Variants in SDK1 observed in about 807,000 individuals in gnomAD.
The protein encoded by SDK1 is protein sidekick-1.
SDK1 carries 157 observed loss-of-function variants against 245.5 expected under a neutral mutation model. That is an observed-to-expected ratio of 0.64 (90% CI 0.56 to 0.73). The LOEUF (loss-of-function observed/expected upper bound fraction) is 0.73, where lower values mean the gene tolerates loss of function less well. Ranked by LOEUF, SDK1 falls within the 30% of genes least tolerant of loss-of-function variation. The pLI is 0.00. For synonymous variants in SDK1, 1,647 were observed against 1,278.5 expected (o/e 1.29, Z -6.15); for missense variants, 3,583 against 3,002.3 (o/e 1.19, Z -4.52).
At chr7:3,897,374 A>G (rs1781638476) in intron 5 of SDK1, among the ~76,000 whole-genome samples, 1 of 152,082 alleles carries the variant, frequency 6.6e-6, no homozygotes, top group Admixed American at 6.6e-5. Flanking sequence ...CCCCTTCCCC[A>G]GCCCCTGGCA....
At chr7:3,481,314 C>G (rs1257940045) in intron 1 of SDK1, among the ~76,000 whole-genome samples, 1 of 152,192 alleles carries the variant, frequency 6.6e-6, no homozygotes, top group African/African-American at 2.4e-5. Flanking sequence ...TGGACTTGAA[C>G]TCTGTTCATC....
intron 44 of SDK1, among the ~76,000 whole-genome samples, chr7:4,249,556 C>T (rs1295773826): frequency 6.6e-6 from 1 of 152,168 alleles, no homozygotes; most frequent in Non-Finnish European, 1.5e-5. Context: ...TTTGGGGGCC[C>T]AAGGCACCCC....
At chr7:3,477,528 T>G (rs1330867299) in intron 1 of SDK1, among the ~76,000 whole-genome samples, 1 of 151,104 alleles carries the variant, frequency 6.6e-6, no homozygotes, top group Non-Finnish European at 1.5e-5. Flanking sequence ...TTTTTTTTTT[T>G]TAAGAGATGG....
intron 35 of SDK1, among the ~76,000 whole-genome samples, chr7:4,202,409 G>C (rs946561227): frequency 6.6e-6 from 1 of 152,210 alleles, no homozygotes; most frequent in Non-Finnish European, 1.5e-5. Context: ...CAAGACTCTG[G>C]TTGGGGGAGC....
At chr7:3,972,143 TATCTC>T (rs1782537797) in intron 12 of SDK1, among the ~76,000 whole-genome samples, 2 of 150,748 alleles carry the variant, frequency 1.3e-5, no homozygotes, top group African/African-American at 2.4e-5. Context: ...ACAGTGGCAT[TATCTC>T]AGCTCACTGC....
chr7:3,374,316 C>A (rs1213544184), intron 1 of SDK1, among the ~76,000 whole-genome samples: 1 of 152,110 alleles, frequency 6.6e-6, no homozygotes, highest in Non-Finnish European at 1.5e-5. Context: ...TGACTTCTGC[C>A]CCCAAGCTGT....
intron 1 of SDK1, among the ~76,000 whole-genome samples, chr7:3,552,051 T>A (rs950252915): frequency 9.9e-5 from 15 of 152,100 alleles, no homozygotes; most frequent in Non-Finnish European, 2.1e-4. Context: ...TTCTTCTTTT[T>A]TTTTTGAGCC....
chr7:3,409,509 A>G (rs1047230639), intron 1 of SDK1, among the ~76,000 whole-genome samples: 2 of 151,984 alleles, frequency 1.3e-5, no homozygotes, highest in African/African-American at 4.8e-5. Flanking sequence ...ATTTTATACA[A>G]ATTACACCGT....
At chr7:3,553,895 G>A (rs1305081789) in intron 1 of SDK1, among the ~76,000 whole-genome samples, 3 of 152,308 alleles carry the variant, frequency 2.0e-5, no homozygotes, top group Non-Finnish European at 1.5e-5. Flanking sequence ...CCCTCAGGCA[G>A]CATCAGCAGG....
chr7:4,248,307 C>T (rs1436399241), intron 44 of SDK1, among the ~76,000 whole-genome samples: 1 of 151,734 alleles, frequency 6.6e-6, no homozygotes, highest in African/African-American at 2.4e-5. Flanking sequence ...TCTATACATA[C>T]ACACATGCAC....
At chr7:3,411,799 T>C (rs1041130707) in intron 1 of SDK1, among the ~76,000 whole-genome samples, 2 of 152,200 alleles carry the variant, frequency 1.3e-5, no homozygotes, top group African/African-American at 2.4e-5. Context: ...CTATAAATTC[T>C]GGAGTTTAAT....
intron 1 of SDK1, among the ~76,000 whole-genome samples, chr7:3,553,961 G>T (rs961194829): frequency 6.6e-6 from 1 of 152,168 alleles, no homozygotes; most frequent in African/African-American, 2.4e-5. Flanking sequence ...AAAGAATGCT[G>T]CAAAGGCTCT....
At chr7:3,436,335 G>A (rs2128586615) in intron 1 of SDK1, among the ~76,000 whole-genome samples, 1 of 152,164 alleles carries the variant, frequency 6.6e-6, no homozygotes, top group East Asian at 1.9e-4. Flanking sequence ...TAAAAAGTGT[G>A]CAATATTGGT....
At chr7:3,398,586 T>C (rs974074913) in intron 1 of SDK1, among the ~76,000 whole-genome samples, 6 of 152,076 alleles carry the variant, frequency 3.9e-5, no homozygotes, top group African/African-American at 1.4e-4. Flanking sequence ...TTTCCCCAGA[T>C]GCATTTTGGC....
chr7:4,002,495 A>C (rs1299113437), intron 14 of SDK1, among the ~76,000 whole-genome samples: 10 of 152,218 alleles, frequency 6.6e-5, no homozygotes, highest in Non-Finnish European at 7.3e-5. Flanking sequence ...CAAAAACGTG[A>C]AAGTAATTAC....
intron 19 of SDK1, among the ~76,000 whole-genome samples, chr7:4,065,154 A>T (rs187461303): frequency 6.6e-6 from 1 of 152,344 alleles, no homozygotes; most frequent in East Asian, 1.9e-4. Flanking sequence ...TGCCTGTAAC[A>T]AAACGTCACC....
At chr7:4,167,284 G>C (rs1781556224) in intron 32 of SDK1, among the ~76,000 whole-genome samples, 1 of 152,130 alleles carries the variant, frequency 6.6e-6, no homozygotes. Context: ...CAGCTACTCA[G>C]GCTGAGGTAG....
chr7:3,422,472 TTTC>T (rs1332165053), intron 1 of SDK1, among the ~76,000 whole-genome samples: 4 of 152,246 alleles, frequency 2.6e-5, no homozygotes, highest in Non-Finnish European at 5.9e-5. Context: ...ATAACCAACT[TTTC>T]TTAATACTGG....
intron 1 of SDK1, among the ~76,000 whole-genome samples, chr7:3,550,102 G>A (rs2141822): frequency 0.92 from 140,772 of 152,188 alleles, 65,283 homozygotes; most frequent in East Asian, 1. Context: ...TCATATACAT[G>A]GGCATGCATG....
Sources: allele counts gnomAD v4.1 joint callset (sites outside exome capture counted in the v4.1 genomes callset), GRCh38; gene constraint gnomAD v4.1.1; transcripts MANE v1.5; gene names NCBI Gene and HGNC (gene_info 2026-07-23, HGNC 2026-07-21).